The following COPS4 variants were observed in gnomAD, a reference collection of about 807,000 sequenced individuals.
The protein encoded by COPS4 is COP9 signalosome complex subunit 4.
COPS4 carries 8 observed loss-of-function variants against 55.1 expected under a neutral mutation model. The ratio of observed to expected loss-of-function variants is 0.15; its 90% confidence interval spans 0.09 to 0.26. COPS4 has a LOEUF of 0.26. COPS4 is among the 10% of genes least tolerant of loss of function. COPS4 has a pLI of 1.00. For missense variants in COPS4, 248 were observed against 484.0 expected, an observed-to-expected ratio of 0.51 and a Z score of 4.58; for synonymous variants, 185 against 165.7, an observed-to-expected ratio of 1.12 and a Z score of -0.90.
rs1730801518 is a variant in COPS4 at position 83,049,410 on chromosome 4, C to T, written c.306+93C>T. ...TAAATTCTTAAAGGAGATAATCATC[C>T]AATTTCATTTTTGACAAAACAGTGT... On this transcript the variant is annotated intron_variant, in intron 3 of 9. Transcript: ENST00000264389. The T allele has an allele frequency of 2.6e-6, 3 of 1,159,804 alleles. No homozygotes were observed. The East Asian group carries it at 8.2e-5, about 32-fold the overall frequency. The allele number at this position is 1,159,804 out of a possible 1,614,324, so 71.8% of individuals were successfully genotyped here.
chr4:83,052,740 C>T (rs1047617912), intron 4 of COPS4, among the ~76,000 whole-genome samples: 13 of 152,266 alleles, frequency 8.5e-5, no homozygotes, highest in African/African-American at 2.6e-4. Flanking sequence ...GTGCACACCA[C>T]TACGCCTGGC....
chr4:83,042,914 AT>A (rs761199795), intron 1 of COPS4, among the ~76,000 whole-genome samples: 294 of 133,214 alleles, frequency 2.2e-3, no homozygotes, highest in Admixed American at 2.3e-3. Context: ...CAATTTTTGT[AT>A]TTTTTTTTTT....
chr4:83,050,569 C>CT (rs1730866430), intron 4 of COPS4, among the ~76,000 whole-genome samples: 1 of 152,162 alleles, frequency 6.6e-6, no homozygotes, highest in South Asian at 2.1e-4. Context: ...TTCAGCCTCT[C>CT]TAAGTGCTGG....
At chr4:83,042,085 G>T (rs1426579354) in intron 1 of COPS4, among the ~76,000 whole-genome samples, 1 of 151,110 alleles carries the variant, frequency 6.6e-6, no homozygotes, top group East Asian at 2.0e-4. Context: ...GGCTGGTCTC[G>T]AACTCTTGAC....
At chr4:83,074,472 T>G (rs1731513795) in intron 9 of COPS4, among the ~76,000 whole-genome samples, 1 of 150,390 alleles carries the variant, frequency 6.6e-6, no homozygotes, top group African/African-American at 2.4e-5. Flanking sequence ...TTTTTTTTTT[T>G]TTTTTTGGAG....
intron 4 of COPS4, among the ~76,000 whole-genome samples, chr4:83,056,029 A>G (rs1183114293): frequency 6.6e-6 from 1 of 151,312 alleles, no homozygotes; most frequent in African/African-American, 2.4e-5. Context: ...CCTGGGTTCA[A>G]GCAATTCTCC....
intron 1 of COPS4, among the ~76,000 whole-genome samples, chr4:83,039,495 C>T (rs1205014725): frequency 1.3e-5 from 2 of 152,206 alleles, no homozygotes; most frequent in Non-Finnish European, 2.9e-5. Flanking sequence ...TGTAAAGGGA[C>T]ATGGGTACTG....
intron 4 of COPS4, among the ~76,000 whole-genome samples, chr4:83,051,116 A>AG (rs1730877688): frequency 1.3e-5 from 2 of 150,840 alleles, no homozygotes; most frequent in African/African-American, 4.9e-5. Context: ...AAAAAAAAAA[A>AG]TGCTGGGCAT....
chr4:83,062,669 G>T lies in COPS4; in HGVS notation c.716-407G>T, dbSNP rs994965040. Among the ~76,000 whole-genome samples the T allele has an allele frequency of 2.6e-5, 4 of 152,182 alleles. No homozygotes were observed. In the East Asian group the frequency reaches 5.8e-4, roughly 22 times the overall value. On this transcript the variant is annotated intron_variant, in intron 6 of 9. Transcript: ENST00000264389. ...GCCATAGTGCTGAAGCGCTGTCTGG[G>T]GGGTGTTCTTAAGTGCCCTATGGAG...
At chr4:83,055,629 G>C (rs1032371219) in intron 4 of COPS4, among the ~76,000 whole-genome samples, 1 of 151,898 alleles carries the variant, frequency 6.6e-6, no homozygotes, top group African/African-American at 2.4e-5. Flanking sequence ...TTTTAGTAGA[G>C]ACAGGGTTTC....
chr4:83,051,707 G>A (rs1345717991), intron 4 of COPS4, among the ~76,000 whole-genome samples: 4 of 152,162 alleles, frequency 2.6e-5, no homozygotes, highest in Admixed American at 2.6e-4. Context: ...GAGATTAGAA[G>A]AGATATCTGG....
chr4:83,069,566 G>A (rs1251847981), intron 9 of COPS4, among the ~76,000 whole-genome samples: 1 of 152,064 alleles, frequency 6.6e-6, no homozygotes, highest in Non-Finnish European at 1.5e-5. Flanking sequence ...CCTTTGCAAT[G>A]ACTATTTCAG....
chr4:83,042,447 T>C (rs1299929449), intron 1 of COPS4, among the ~76,000 whole-genome samples: 1 of 152,080 alleles, frequency 6.6e-6, no homozygotes, highest in Non-Finnish European at 1.5e-5. Context: ...TACTAGAATT[T>C]ACATATTAGA....
intron 1 of COPS4, 78 bp downstream of exon 1, chr4:83,035,376 G>C (rs2126126296): frequency 2.5e-6 from 3 of 1,223,484 alleles, no homozygotes; most frequent in Non-Finnish European, 3.4e-6. Context: ...GGTTGGCCAC[G>C]GCTCTTGGGC....
intron 9 of COPS4, among the ~76,000 whole-genome samples, chr4:83,071,335 G>A (rs1223269519): frequency 6.6e-6 from 1 of 152,156 alleles, no homozygotes; most frequent in African/African-American, 2.4e-5. Flanking sequence ...CCCCTTCTGT[G>A]CATTAATGTT....
intron 9 of COPS4, among the ~76,000 whole-genome samples, chr4:83,069,715 A>G (rs1731372431): frequency 6.6e-6 from 1 of 152,088 alleles, no homozygotes; most frequent in African/African-American, 2.4e-5. Context: ...TCTCTCATTC[A>G]ATTTGAAATT....
At chr4:83,036,949 A>G (rs1284699002) in intron 1 of COPS4, among the ~76,000 whole-genome samples, 1 of 152,238 alleles carries the variant, frequency 6.6e-6, no homozygotes, top group African/African-American at 2.4e-5. Context: ...AAACAATAGT[A>G]CTTAAAGCGT....
chr4:83,074,744 G>T (rs923223422), intron 9 of COPS4, among the ~76,000 whole-genome samples: 1 of 151,546 alleles, frequency 6.6e-6, no homozygotes, highest in Admixed American at 6.6e-5. Context: ...GACCTCAGGT[G>T]ATCTGCCTGC....
At chr4:83,048,356 A>C (rs1034424923) in intron 2 of COPS4, among the ~76,000 whole-genome samples, 4 of 152,170 alleles carry the variant, frequency 2.6e-5, no homozygotes, top group Non-Finnish European at 4.4e-5. Flanking sequence ...TGCTCACTGA[A>C]GTTCTTATTT....
Sources: gnomAD v4.1 joint callset for allele counts (sites outside exome capture counted in the v4.1 genomes callset) on GRCh38, gnomAD v4.1.1 for gene constraint, MANE v1.5 for transcripts, NCBI Gene and HGNC (gene_info 2026-07-23, HGNC 2026-07-21) for gene names.